ADAM29: variants seen among roughly 807,000 people sequenced by gnomAD.
ADAM29 encodes ADAM metallopeptidase domain 29, also known as disintegrin and metalloproteinase domain-containing protein 29.
For synonymous variants in ADAM29, 367 were observed against 342.3 expected (o/e 1.07, Z -0.80); for missense variants, 969 against 1,001.8 (o/e 0.97, Z 0.44).
intron 2 of ADAM29, among the ~76,000 whole-genome samples, chr4:174,925,258 A>G (rs1743439367): frequency 6.6e-6 from 1 of 152,190 alleles, no homozygotes. Context: ...TTTAATAACG[A>G]GGTGTTAATA....
intron 4 of ADAM29, among the ~76,000 whole-genome samples, chr4:174,942,121 C>G (rs914687603): frequency 3.3e-5 from 5 of 152,198 alleles, no homozygotes; most frequent in Non-Finnish European, 5.9e-5. Flanking sequence ...TTGGGAAGCT[C>G]CACCCTTGTG....
At position 174,967,456 on chromosome 4, in the gene ADAM29, T is replaced by C. The variant is rs185862759; in HGVS notation, c.-180-7890T>C. Among the ~76,000 whole-genome samples, 71 of 152,312 alleles carry C rather than the reference T, an allele frequency of 4.7e-4. 2 individuals are homozygous for C. The East Asian group carries it at 0.013, about 27-fold the overall frequency. The stretch of plus-strand genomic sequence containing the variant: ...CTCTTTTGCTATTTTCCAAAATTTG[T>C]TAAGTTGCTCACAAAGTGGCTCTCA... On this transcript the variant is annotated intron_variant, in intron 4 of 4. Coordinates refer to ENST00000359240, the MANE Select transcript of ADAM29 (RefSeq NM_014269.4).
intron 4 of ADAM29, among the ~76,000 whole-genome samples, chr4:174,954,976 A>G (rs945389021): frequency 3.3e-5 from 5 of 152,146 alleles, no homozygotes; most frequent in East Asian, 1.9e-4. Context: ...TGCATTTTCT[A>G]TTTCATTCAT....
intron 4 of ADAM29, among the ~76,000 whole-genome samples, chr4:174,944,679 C>G (rs976489528): frequency 5.3e-5 from 8 of 152,152 alleles, no homozygotes; most frequent in Admixed American, 2.0e-4. Context: ...TTATCCTTCT[C>G]CCACCTTCCA....
intron 2 of ADAM29, among the ~76,000 whole-genome samples, chr4:174,929,980 G>C (rs1743763429): frequency 2.6e-5 from 4 of 152,114 alleles, no homozygotes; most frequent in African/African-American, 9.7e-5. Flanking sequence ...CCAGGCTGGA[G>C]TGCAGTGGCC....
In ADAM29 at chr4:174,949,437, GTCT is replaced by G. The variant is rs927756640; in HGVS notation, c.-181+12431_-181+12433del. ...CTCAAGTGTCTGTGGGGGTCAGGAG[GTCT>G]TCTTCTGCTAGGATTCCAGAGGTCC... On this transcript the variant is annotated intron_variant, in intron 4 of 4. Coordinates refer to ENST00000359240, the MANE Select transcript of ADAM29 (RefSeq NM_014269.4). Among the ~76,000 whole-genome samples the G allele has an allele frequency of 2.6e-5, 4 of 152,290 alleles. No individual in the cohort carries two copies. In the East Asian group the frequency reaches 5.8e-4, roughly 22 times the overall value.
At chr4:174,943,816 GAAAAA>G (rs11322609) in intron 4 of ADAM29, among the ~76,000 whole-genome samples, 1,203 of 74,414 alleles carry the variant, frequency 0.016, 11 homozygotes, top group Middle Eastern at 0.058. Flanking sequence ...AAATGTACAG[GAAAAA>G]AAAAAAAGGA....
intron 4 of ADAM29, among the ~76,000 whole-genome samples, chr4:174,975,062 A>G: frequency 6.6e-6 from 1 of 152,208 alleles, no homozygotes. Flanking sequence ...ATATTTGCAA[A>G]TAATTACATA....
chr4:174,929,783 C>A (rs559193929), intron 2 of ADAM29, among the ~76,000 whole-genome samples: 70 of 147,494 alleles, frequency 4.7e-4, no homozygotes, highest in Non-Finnish European at 8.9e-4. Context: ...TTGAGACAGA[C>A]TCTCACTCTG....
rs537858381 is a variant in ADAM29, at chr4:174,932,300, A to G, written c.-262+1126A>G. 2.8e-3 allele frequency among the ~76,000 whole-genome samples: 431 copies of G among 152,172 alleles called. 1 individual carries two copies. Among genetic ancestry groups the G allele is most frequent in the Middle Eastern group, 0.017 (5 of 294 alleles). On this transcript the variant is annotated intron_variant, in intron 3 of 4. Coordinates refer to ENST00000359240, the MANE Select transcript of ADAM29 (RefSeq NM_014269.4). ...GAAACTCTGTCTCAAAAAAGAAGAAAAAAAAAGGAATGACAATATATGAAG... is the reference window on the plus strand; with the variant it reads ...GAAACTCTGTCTCAAAAAAGAAGAAGAAAAAAGGAATGACAATATATGAAG...
Position 174,975,428 on chromosome 4 carries a change from A to C in ADAM29, c.-98A>C, listed in dbSNP as rs564193543. 20 of 1,261,124 alleles carry C rather than the reference A, an allele frequency of 1.6e-5. No homozygotes were observed. The African/African-American group carries it at 2.4e-4, about 15-fold the overall frequency. 78.1% of individuals were successfully genotyped at this position (1,261,124 alleles called of 1,614,324 possible). A position where few individuals can be genotyped will look rare whatever the true frequency, so the allele number is the denominator to read the frequency against. ...ACACACTGACCAACTCAGAAGAAGG[A>C]GCCACACCACCTGTGACTCCAGCCC... On this transcript the variant is annotated 5_prime_UTR_variant, in exon 5 of 5. Coordinates refer to ENST00000359240, the MANE Select transcript of ADAM29 (RefSeq NM_014269.4).
At position 174,965,701 on chromosome 4, in the gene ADAM29, C is replaced by T. The variant is rs61251488; in HGVS notation, c.-180-9645C>T. ...TCTTAAAAAAATGGTTTGCCTACCA[C>T]TGCCTTCTTTCTGTGTCTGTATTTC... On this transcript the variant is annotated intron_variant, in intron 4 of 4. Transcript: ENST00000359240. 8.3e-3 allele frequency among the ~76,000 whole-genome samples: 1,262 copies of T among 152,190 alleles called. 31 individuals carry two copies. Among genetic ancestry groups the T allele is most frequent in the African/African-American group, 0.027 (1,134 of 41,492 alleles).
chr4:174,975,814 C>A lies in ADAM29; in HGVS notation c.289C>A (p.Gln97Lys). 6.2e-7 allele frequency: 1 copy of A among 1,614,158 alleles called. No individual in the cohort carries two copies. The highest frequency in any genetic ancestry group is 8.5e-7 in the Non-Finnish European group (1 of 1,180,042). Residue 97 changes from glutamine to lysine, a missense_variant, in exon 5 of 5, where the codon CAG (glutamine) becomes AAG (lysine). Physicochemically the swap from Gln to Lys is moderately conservative, Grantham distance 53. Coordinates refer to ENST00000359240, the MANE Select transcript of ADAM29 (RefSeq NM_014269.4). ...TATCCTTGAGGACCAGCCATTTGTC[C>A]AGAATAACTGCTACTATCATGGTTA... The part of the protein sequence containing the change: ...GAILEDQPFV[Q>K]NNCYYHGYVE...
rs373852314 is a variant in ADAM29 at position 174,941,238 on chromosome 4, G to C, written c.-181+4225G>C. On this transcript the variant is annotated intron_variant, in intron 4 of 4. Transcript: ENST00000359240. ...TAGCAGTGTTTTTAAAAACGGACCT[G>C]CTTCTGGATTAAATGAATCATGGAA... Among the ~76,000 whole-genome samples the C allele has an allele frequency of 1.6e-4, 25 of 152,300 alleles. 1 individual carries two copies. The East Asian group carries it at 3.1e-3, about 19-fold the overall frequency.
At chr4:174,920,420 A>C (rs898477621) in intron 1 of ADAM29, among the ~76,000 whole-genome samples, 1 of 152,134 alleles carries the variant, frequency 6.6e-6, no homozygotes, top group African/African-American at 2.4e-5. Flanking sequence ...AATACTATTA[A>C]TCTTCTTCCA....
At chr4:174,962,621 G>T (rs1359814356) in intron 4 of ADAM29, among the ~76,000 whole-genome samples, 3 of 151,848 alleles carry the variant, frequency 2.0e-5, no homozygotes, top group Non-Finnish European at 4.4e-5. Context: ...TGCTAGAGTG[G>T]ATTTTAAGTG....
At chr4:174,941,444 G>A (rs1744530902) in intron 4 of ADAM29, among the ~76,000 whole-genome samples, 1 of 152,170 alleles carries the variant, frequency 6.6e-6, no homozygotes, top group Non-Finnish European at 1.5e-5. Context: ...TAAAGAAACA[G>A]GTTTAATTGA....
chr4:174,945,241 A>C (rs1484328328), intron 4 of ADAM29, among the ~76,000 whole-genome samples: 3 of 152,038 alleles, frequency 2.0e-5, no homozygotes, highest in African/African-American at 7.2e-5. Context: ...GCATTTATCT[A>C]ATTAGTATTG....
intron 4 of ADAM29, among the ~76,000 whole-genome samples, chr4:174,953,005 G>A (rs1188930296): frequency 1.3e-5 from 2 of 152,164 alleles, no homozygotes; most frequent in African/African-American, 4.8e-5. Flanking sequence ...AAGAATGCTA[G>A]GCTGGGCGCG....
Sources: allele counts gnomAD v4.1 joint callset (sites outside exome capture counted in the v4.1 genomes callset), GRCh38; gene constraint gnomAD v4.1.1; transcripts MANE v1.5; gene names NCBI Gene and HGNC (gene_info 2026-07-23, HGNC 2026-07-21).